Variants in ZNF486 observed in about 807,000 individuals in gnomAD.
ZNF486 encodes KRAB box only protein 2.
A neutral mutation model predicts 12.8 loss-of-function variants in ZNF486; 12 were observed. That is an observed-to-expected ratio of 0.94 (90% CI 0.60 to 1.52). ZNF486 has a LOEUF of 1.52. Ranked by LOEUF, ZNF486 falls within the 40% of genes most tolerant of loss-of-function variation. ZNF486 has a pLI of 0.00. For synonymous variants in ZNF486, 231 were observed against 184.9 expected, an observed-to-expected ratio of 1.25 and a Z score of -2.02; for missense variants, 738 against 545.0, an observed-to-expected ratio of 1.35 and a Z score of -3.53.
intron 3 of ZNF486, among the ~76,000 whole-genome samples, chr19:20,194,156 G>T (rs2089934690): frequency 6.6e-6 from 1 of 151,942 alleles, no homozygotes; most frequent in Non-Finnish European, 1.5e-5. Flanking sequence ...TGTGTATGTG[G>T]ATATCTTTTC....
rs782492507 is a variant in ZNF486 at position 20,167,243 on chromosome 19, G to T, written c.-88G>T. 1.2e-4 allele frequency: 189 copies of T among 1,531,308 alleles called. No individual in the cohort carries two copies. The African/African-American group carries it at 2.3e-3, about 18-fold the overall frequency. 94.9% of individuals were successfully genotyped at this position (1,531,308 alleles called of 1,614,324 possible). ...CTCGCTGCATCTGGAGCTCTAGGTC[G>T]CCTCTTCGCTACTCTGTGTCCTCTG... On this transcript the variant is annotated 5_prime_UTR_variant, in exon 1 of 4. Coordinates refer to ENST00000335117, the MANE Select transcript of ZNF486 (RefSeq NM_052852.4).
At chr19:20,187,733 G>A (rs1352864402) in intron 3 of ZNF486, among the ~76,000 whole-genome samples, 1 of 152,034 alleles carries the variant, frequency 6.6e-6, no homozygotes, top group Non-Finnish European at 1.5e-5. Context: ...TCGATCTCCT[G>A]ACCTCGTGAT....
intron 1 of ZNF486, among the ~76,000 whole-genome samples, chr19:20,178,721 CTCTATTTGTTA>C (rs2089751284): frequency 6.6e-6 from 1 of 152,174 alleles, no homozygotes; most frequent in African/African-American, 2.4e-5. Flanking sequence ...AGAATTGTGT[CTCTATTTGTTA>C]TCTATAGTCC....
At chr19:20,175,232 A>T (rs1205002728) in intron 1 of ZNF486, 1 of 152,148 alleles carries the variant, frequency 6.6e-6, no homozygotes, top group Non-Finnish European at 1.5e-5. Flanking sequence ...ATTTTCTGGC[A>T]GACATGATCA....
chr19:20,178,651 G>A (rs1194293134), intron 1 of ZNF486, among the ~76,000 whole-genome samples: 4 of 152,334 alleles, frequency 2.6e-5, no homozygotes, highest in African/African-American at 9.6e-5. Flanking sequence ...TTCCCTGTCA[G>A]GCTTCCAGTC....
chr19:20,173,236 T>C (rs146779969), intron 1 of ZNF486, among the ~76,000 whole-genome samples: 1 of 152,310 alleles, frequency 6.6e-6, no homozygotes, highest in African/African-American at 2.4e-5. Context: ...AGTTGATTTT[T>C]GCATATGGTG....
chr19:20,172,205 G>T (rs1235854096), intron 1 of ZNF486, among the ~76,000 whole-genome samples: 2 of 151,716 alleles, frequency 1.3e-5, no homozygotes, highest in Non-Finnish European at 2.9e-5. Context: ...ATTTCTCCAC[G>T]TGGGTCAGGC....
intron 1 of ZNF486, among the ~76,000 whole-genome samples, chr19:20,183,730 C>G (rs2089811802): frequency 1.3e-5 from 2 of 151,750 alleles, no homozygotes; most frequent in Admixed American, 6.6e-5. Context: ...ATGCATAAAC[C>G]TCACATTAAA....
intron 2 of ZNF486, among the ~76,000 whole-genome samples, chr19:20,185,753 G>C (rs1283542733): frequency 2.7e-4 from 40 of 147,828 alleles, no homozygotes; most frequent in African/African-American, 9.2e-4. Context: ...TTAAATATAA[G>C]ATTGTATGAT....
intron 3 of ZNF486, 136 bp from the exon 4 acceptor site, chr19:20,196,828 G>A (rs1311015755): frequency 3.3e-5 from 39 of 1,183,138 alleles, no homozygotes; most frequent in Non-Finnish European, 4.1e-5. Flanking sequence ...TATATGTCCA[G>A]GAAGAAATTA....
At chr19:20,195,715 T>C (rs2089951463) in intron 3 of ZNF486, among the ~76,000 whole-genome samples, 1 of 152,204 alleles carries the variant, frequency 6.6e-6, no homozygotes, top group Non-Finnish European at 1.5e-5. Flanking sequence ...GTTTTTAGGA[T>C]GAGTCTTGTC....
At chr19:20,170,373 C>T (rs1333879404) in intron 1 of ZNF486, among the ~76,000 whole-genome samples, 1 of 151,866 alleles carries the variant, frequency 6.6e-6, no homozygotes, top group Admixed American at 6.6e-5. Context: ...AGGTCACAGC[C>T]TGGCCAACAC....
At chr19:20,189,390 T>C (rs890204432) in intron 3 of ZNF486, among the ~76,000 whole-genome samples, 9 of 152,186 alleles carry the variant, frequency 5.9e-5, no homozygotes, top group African/African-American at 1.7e-4. Context: ...ATTTTGTAAA[T>C]AGATATAATA....
rs190139217 is a variant in ZNF486 at position 20,181,368 on chromosome 19, C to T, written c.31-2988C>T. On this transcript the variant is annotated intron_variant, in intron 1 of 3. Coordinates refer to ENST00000335117, the MANE Select transcript of ZNF486 (RefSeq NM_052852.4). ...TCCTGGCTAACACGGTGAAACCCCA[C>T]CTCTACTAAGAATACAAAAAATTAG... is the stretch of plus-strand genomic sequence containing the variant. Among the ~76,000 whole-genome samples the T allele has an allele frequency of 1.8e-3, 273 of 152,116 alleles. 2 individuals carry two copies. The South Asian group carries it at 0.02, about 11-fold the overall frequency.
intron 3 of ZNF486, among the ~76,000 whole-genome samples, chr19:20,187,602 C>T (rs534561916): frequency 3.1e-4 from 47 of 150,476 alleles, no homozygotes; most frequent in Non-Finnish European, 5.0e-4. Context: ...CCCGGGTTCA[C>T]GCCATTCTCC....
intron 1 of ZNF486, among the ~76,000 whole-genome samples, chr19:20,168,526 T>A (rs569783370): frequency 6.7e-6 from 1 of 149,806 alleles, no homozygotes; most frequent in Non-Finnish European, 1.5e-5. Flanking sequence ...TGGTGGCGCA[T>A]GCCTGTAATC....
At chr19:20,171,986 C>CT (rs558961336) in intron 1 of ZNF486, among the ~76,000 whole-genome samples, 10,820 of 144,514 alleles carry the variant, frequency 0.075, 565 homozygotes, top group African/African-American at 0.16. Context: ...CGTTAGTTTC[C>CT]TTTTTTTTTT....
chr19:20,196,309 C>T (rs118168793), intron 3 of ZNF486, among the ~76,000 whole-genome samples: 3,631 of 152,164 alleles, frequency 0.024, 56 homozygotes, highest in Non-Finnish European at 0.036. Context: ...AGCTATCATG[C>T]CTTGTTGGCA....
At chr19:20,171,376 C>T (rs1286886168) in intron 1 of ZNF486, among the ~76,000 whole-genome samples, 1 of 152,222 alleles carries the variant, frequency 6.6e-6, no homozygotes, top group Admixed American at 6.5e-5. Context: ...CACTCACAAA[C>T]ACACACACTA....
Sources: gnomAD v4.1 joint callset for allele counts (sites outside exome capture counted in the v4.1 genomes callset) on GRCh38, gnomAD v4.1.1 for gene constraint, MANE v1.5 for transcripts, NCBI Gene and HGNC (gene_info 2026-07-23, HGNC 2026-07-21) for gene names.